EXOC4: variants seen among roughly 807,000 people sequenced by gnomAD.
EXOC4 encodes exocyst complex component 4.
Under a neutral mutation model 107.2 loss-of-function variants are expected in EXOC4, and 71 were observed. The ratio of observed to expected loss-of-function variants is 0.66; its 90% CI spans 0.55 to 0.81. The LOEUF is 0.81. Among genes scored for constraint, EXOC4 ranks in the 30% least tolerant of loss-of-function variants. The probability of loss-of-function intolerance (pLI) is 0.00; values close to 1 mark genes in which losing one functional copy is unlikely to be tolerated. For missense variants in EXOC4, 1,108 were observed against 1,189.6 expected (o/e 0.93, Z 1.01); for synonymous variants, 456 against 441.2 (o/e 1.03, Z -0.42).
chr7:133,479,068 A>G (rs1037367880), intron 8 of EXOC4: 19 of 152,152 alleles, frequency 1.2e-4, no homozygotes, highest in African/African-American at 4.3e-4. Context: ...CCAGAAACCT[A>G]TCCCATTAGC....
At chr7:133,837,830 A>T (rs1043221054) in intron 11 of EXOC4, among the ~76,000 whole-genome samples, 1 of 152,194 alleles carries the variant, frequency 6.6e-6, no homozygotes, top group Admixed American at 6.6e-5. Flanking sequence ...TCTAAGTTGG[A>T]TAAGGTAAAA....
intron 17 of EXOC4, among the ~76,000 whole-genome samples, chr7:134,045,900 C>A (rs2116552433): frequency 6.6e-6 from 1 of 152,242 alleles, no homozygotes; most frequent in South Asian, 2.1e-4. Context: ...TAGCTTGTTT[C>A]AATTAGCATA....
intron 9 of EXOC4, among the ~76,000 whole-genome samples, chr7:133,499,113 A>G (rs1260193779): frequency 1.1e-3 from 1 of 884 alleles, no homozygotes; most frequent in Non-Finnish European, 1.8e-3. Context: ...AGCTTTTTGA[A>G]AAAAAAAAAA....
At chr7:133,778,883 G>A (rs1374710623) in intron 10 of EXOC4, among the ~76,000 whole-genome samples, 1 of 152,310 alleles carries the variant, frequency 6.6e-6, no homozygotes, top group East Asian at 1.9e-4. Context: ...CTGCATCAGA[G>A]ATTTTTAAAT....
chr7:133,265,037 G>T (rs997288236), intron 1 of EXOC4, among the ~76,000 whole-genome samples: 19 of 152,046 alleles, frequency 1.2e-4, no homozygotes, highest in African/African-American at 4.6e-4. Flanking sequence ...AATGTCTTCT[G>T]GTTAAAAGCA....
chr7:133,548,704 C>T (rs1204418559), intron 9 of EXOC4, among the ~76,000 whole-genome samples: 1 of 152,336 alleles, frequency 6.6e-6, no homozygotes, highest in Non-Finnish European at 1.5e-5. Context: ...TTTCTCACCT[C>T]TCTCAGCCTT....
chr7:133,542,169 TTGTGTGTGTGTG>T (rs3046171), intron 9 of EXOC4, among the ~76,000 whole-genome samples: 38 of 147,058 alleles, frequency 2.6e-4, no homozygotes, highest in South Asian at 4.4e-4. Context: ...AAATTTTATC[TTGTGTGTGTGTG>T]TGTGTGTGTG....
chr7:133,837,500 T>G (rs1037877828), intron 11 of EXOC4, among the ~76,000 whole-genome samples: 1 of 152,228 alleles, frequency 6.6e-6, no homozygotes, highest in Non-Finnish European at 1.5e-5. Context: ...TTGTCATCTG[T>G]GATTTCAGCT....
intron 9 of EXOC4, among the ~76,000 whole-genome samples, chr7:133,626,434 G>A (rs1802457391): frequency 6.6e-6 from 1 of 152,126 alleles, no homozygotes; most frequent in East Asian, 1.9e-4. Flanking sequence ...TGGTAATGTA[G>A]TAAGAAACAT....
At chr7:133,786,213 G>T (rs1248322115) in intron 10 of EXOC4, among the ~76,000 whole-genome samples, 1 of 152,176 alleles carries the variant, frequency 6.6e-6, no homozygotes, top group African/African-American at 2.4e-5. Context: ...AGCACTGGGG[G>T]CCTCAGCAGG....
chr7:133,957,485 AT>A (rs1800843821), intron 14 of EXOC4, among the ~76,000 whole-genome samples: 1 of 152,136 alleles, frequency 6.6e-6, no homozygotes, highest in African/African-American at 2.4e-5. Flanking sequence ...CTAAATTAGG[AT>A]TTTCCTGATA....
chr7:133,288,798 A>G, intron 2 of EXOC4, 124 bp from the exon 3 acceptor site: 3 of 727,698 alleles, frequency 4.1e-6, no homozygotes, highest in Non-Finnish European at 4.4e-6. Flanking sequence ...ACCAAGGAGA[A>G]TAAGTGGCAG....
rs1800644037 is a variant in EXOC4 at position 133,553,984 on chromosome 7, T to C, written c.1417+73846T>C. ...TAGATAATAAATTTTTAATACATCATATAATATAAATTCCATAGGAAATAG... is the reference window on the plus strand; with the variant it reads ...TAGATAATAAATTTTTAATACATCACATAATATAAATTCCATAGGAAATAG... On this transcript the variant is annotated intron_variant, in intron 9 of 17. Transcript: ENST00000253861. 2.6e-5 allele frequency among the ~76,000 whole-genome samples: 4 copies of C among 152,286 alleles called. No individual in the cohort carries two copies. The South Asian group carries it at 8.3e-4, about 32-fold the overall frequency.
intron 7 of EXOC4, among the ~76,000 whole-genome samples, chr7:133,435,260 C>T (rs1353977429): frequency 6.6e-6 from 1 of 152,084 alleles, no homozygotes; most frequent in Non-Finnish European, 1.5e-5. Flanking sequence ...GGACAACGTT[C>T]CATCGTGCTG....
intron 11 of EXOC4, among the ~76,000 whole-genome samples, chr7:133,819,962 G>A (rs73155110): frequency 1.4e-4 from 21 of 151,996 alleles, no homozygotes; most frequent in Admixed American, 9.2e-4. Context: ...CCTCATCACC[G>A]CCATTTTGTA....
intron 9 of EXOC4, among the ~76,000 whole-genome samples, chr7:133,558,661 TGTTA>T (rs888473370): frequency 2.6e-5 from 4 of 152,206 alleles, no homozygotes; most frequent in African/African-American, 9.7e-5. Context: ...ATTTTTCTTT[TGTTA>T]GTTTTTTTCC....
At chr7:133,571,307 T>C (rs1225668709) in intron 9 of EXOC4, among the ~76,000 whole-genome samples, 1 of 152,136 alleles carries the variant, frequency 6.6e-6, no homozygotes, top group Non-Finnish European at 1.5e-5. Context: ...AAATTACTAA[T>C]AAAAATGAAG....
the EXOC4 span, among the ~76,000 whole-genome samples, chr7:134,079,289 G>A: frequency 3.3e-5 from 5 of 152,292 alleles, no homozygotes; most frequent in Admixed American, 2.6e-4. Flanking sequence ...ACTATGTTCT[G>A]TCAGCAGGAT....
chr7:133,711,459 A>G (rs1395560939), intron 10 of EXOC4, among the ~76,000 whole-genome samples: 1 of 152,206 alleles, frequency 6.6e-6, no homozygotes, highest in Non-Finnish European at 1.5e-5. Context: ...AGTGTCTCAT[A>G]AAAGTACATG....
Sources: allele counts gnomAD v4.1 joint callset (sites outside exome capture counted in the v4.1 genomes callset), GRCh38; gene constraint gnomAD v4.1.1; transcripts MANE v1.5; gene names NCBI Gene and HGNC (gene_info 2026-07-23, HGNC 2026-07-21).